The following ASIC2 variants were observed in gnomAD, a reference collection of about 807,000 sequenced individuals.
The protein encoded by ASIC2 is acid-sensing ion channel 2.
ASIC2 carries 25 observed loss-of-function variants against 57.3 expected under a neutral mutation model. The observed-to-expected ratio is 0.44, with a 90% CI of 0.32 to 0.61. ASIC2 has a LOEUF of 0.61. ASIC2 is among the 20% of genes least tolerant of loss of function. ASIC2 has a pLI of 0.06. For missense variants in ASIC2, 641 were observed against 738.1 expected, an observed-to-expected ratio of 0.87 and a Z score of 1.52; for synonymous variants, 319 against 307.5, an observed-to-expected ratio of 1.04 and a Z score of -0.39.
At chr17:33,454,747 C>T (rs1176142310) in intron 1 of ASIC2, among the ~76,000 whole-genome samples, 2 of 152,144 alleles carry the variant, frequency 1.3e-5, no homozygotes, top group African/African-American at 4.8e-5. Flanking sequence ...GATCAAGGCA[C>T]CAGCAGATTT....
intron 3 of ASIC2, among the ~76,000 whole-genome samples, chr17:33,058,362 C>T (rs532960024): frequency 2.0e-5 from 3 of 150,410 alleles, no homozygotes; most frequent in Admixed American, 6.7e-5. Context: ...TAGATTTCCA[C>T]GGATTGTTAT....
intron 1 of ASIC2, among the ~76,000 whole-genome samples, chr17:34,059,407 G>C (rs1198969002): frequency 6.6e-6 from 1 of 152,202 alleles, no homozygotes; most frequent in African/African-American, 2.4e-5. Flanking sequence ...AGGGTGGCGA[G>C]AGGAGCAGAG....
intron 1 of ASIC2, among the ~76,000 whole-genome samples, chr17:33,730,072 A>G (rs529864643): frequency 1.3e-5 from 2 of 152,324 alleles, no homozygotes; most frequent in East Asian, 3.9e-4. Flanking sequence ...GTGATCTAAC[A>G]AAGTTTCAAA....
chr17:33,767,023 G>T (rs532375376), intron 1 of ASIC2, among the ~76,000 whole-genome samples: 1 of 152,326 alleles, frequency 6.6e-6, no homozygotes, highest in African/African-American at 2.4e-5. Context: ...ACTGCTATTT[G>T]CCCTGGACCA....
At chr17:33,667,214 G>A (rs1313504356) in intron 1 of ASIC2, among the ~76,000 whole-genome samples, 1 of 152,156 alleles carries the variant, frequency 6.6e-6, no homozygotes, top group Admixed American at 6.5e-5. Context: ...ATTCTACCAC[G>A]CCCTCGCCAA....
chr17:33,507,677 G>A (rs1914307409), intron 1 of ASIC2, among the ~76,000 whole-genome samples: 1 of 152,136 alleles, frequency 6.6e-6, no homozygotes, highest in South Asian at 2.1e-4. Flanking sequence ...GCAGAGGCAG[G>A]TGGAGCACAA....
At chr17:33,840,799 C>CCACACACACACACACACACA (rs10525634) in intron 1 of ASIC2, among the ~76,000 whole-genome samples, 3,082 of 147,496 alleles carry the variant, frequency 0.021, 51 homozygotes, top group Middle Eastern at 0.043. Flanking sequence ...CCTGGACACA[C>CCACACACACACACACACACA]CACACACACA....
At position 33,277,260 on chromosome 17, in the gene ASIC2, T is replaced by C. The variant is rs980233097; in HGVS notation, c.708+14148A>G. Among the ~76,000 whole-genome samples the C allele has an allele frequency of 2.6e-5, 4 of 152,202 alleles. No homozygotes were observed. In the East Asian group the frequency reaches 5.8e-4, roughly 22 times the overall value. On this transcript the variant is annotated intron_variant, in intron 1 of 9. Transcript: ENST00000225823. ...GAAGACTTCCCCTGGGAGGTGACAC[T>C]GACTTTGAGACTTGGAGAAGGACAC...
At chr17:33,530,359 C>A (rs1376163695) in intron 1 of ASIC2, among the ~76,000 whole-genome samples, 1 of 152,234 alleles carries the variant, frequency 6.6e-6, no homozygotes, top group African/African-American at 2.4e-5. Context: ...TTCCTTTATT[C>A]CTAGCATGCT....
At chr17:33,594,680 T>C (rs1295741271) in intron 1 of ASIC2, among the ~76,000 whole-genome samples, 1 of 151,672 alleles carries the variant, frequency 6.6e-6, no homozygotes, top group African/African-American at 2.4e-5. Context: ...TACAAAAAAT[T>C]AGCCAGGCGT....
In ASIC2 at chr17:33,402,528, A is replaced by G. The variant is rs1160674373; in HGVS notation, c.556-290461T>C. Among the ~76,000 whole-genome samples, 4 of 152,202 alleles carry G rather than the reference A, an allele frequency of 2.6e-5. No individual in the cohort carries two copies. The East Asian group carries it at 7.8e-4, about 30-fold the overall frequency. On this transcript the variant is annotated intron_variant, in intron 1 of 9. Coordinates refer to the ASIC2 transcript ENST00000359872. ...TGTTCAGCTTTCACTTAAAGTGAGA[A>G]TATGTGGTGTTTTGTTTTCTGTTCC...
chr17:33,908,309 A>G (rs1915392976), intron 1 of ASIC2, among the ~76,000 whole-genome samples: 1 of 152,250 alleles, frequency 6.6e-6, no homozygotes, highest in African/African-American at 2.4e-5. Context: ...AATTTGGACT[A>G]AAAAATTCCA....
At chr17:33,230,983 T>G (rs1908069154) in intron 1 of ASIC2, among the ~76,000 whole-genome samples, 1 of 152,214 alleles carries the variant, frequency 6.6e-6, no homozygotes, top group Admixed American at 6.5e-5. Context: ...ATCTTGTGCT[T>G]GGGAGAGAGA....
chr17:33,971,087 AATGCG>A, intron 1 of ASIC2, among the ~76,000 whole-genome samples: 1 of 152,268 alleles, frequency 6.6e-6, no homozygotes, highest in Admixed American at 6.5e-5. Context: ...ATGCGTGTGC[AATGCG>A]CACACCACTC....
At chr17:33,692,651 G>T (rs1908408512) in intron 1 of ASIC2, among the ~76,000 whole-genome samples, 1 of 152,182 alleles carries the variant, frequency 6.6e-6, no homozygotes, top group South Asian at 2.1e-4. Flanking sequence ...ACCAGAAGTT[G>T]CTCTGGGTGA....
intron 3 of ASIC2, among the ~76,000 whole-genome samples, chr17:33,048,918 T>C (rs2091965079): frequency 6.6e-6 from 1 of 152,230 alleles, no homozygotes; most frequent in South Asian, 2.1e-4. Context: ...CCTGACCTCC[T>C]TGCTGGTCCC....
At chr17:33,991,374 G>A (rs1263989714) in intron 1 of ASIC2, among the ~76,000 whole-genome samples, 2 of 152,204 alleles carry the variant, frequency 1.3e-5, no homozygotes, top group East Asian at 3.9e-4. Flanking sequence ...CTGACTCCCA[G>A]TCAAGTTCTC....
chr17:33,433,132 A>G (rs985775706), intron 1 of ASIC2, among the ~76,000 whole-genome samples: 3 of 152,226 alleles, frequency 2.0e-5, no homozygotes, highest in Admixed American at 2.0e-4. Flanking sequence ...TAACCATAGC[A>G]AATACATGGA....
intron 1 of ASIC2, 66 bp downstream of exon 1, chr17:33,291,342 A>C (rs1905430601): frequency 6.6e-7 from 1 of 1,523,824 alleles, no homozygotes; most frequent in Non-Finnish European, 8.8e-7. Flanking sequence ...GGGGCGGAAC[A>C]CCAGGCCTCC....
Sources: gnomAD v4.1 joint callset for allele counts (sites outside exome capture counted in the v4.1 genomes callset) on GRCh38, gnomAD v4.1.1 for gene constraint, MANE v1.5 for transcripts, NCBI Gene and HGNC (gene_info 2026-07-23, HGNC 2026-07-21) for gene names.